METTL16: variants seen among roughly 807,000 people sequenced by gnomAD.
METTL16 encodes the protein RNA N(6)-adenosine-methyltransferase METTL16.
A neutral mutation model predicts 57.9 loss-of-function variants in METTL16; 19 were observed. The ratio of observed to expected loss-of-function variants is 0.33; its 90% CI spans 0.23 to 0.48. The LOEUF is 0.48. METTL16 is among the 20% of genes least tolerant of loss of function. The pLI is 0.99. For missense variants in METTL16, 434 were observed against 691.5 expected (o/e 0.63, Z 4.18); for synonymous variants, 246 against 255.6 (o/e 0.96, Z 0.36).
chr17:2,441,046 A>G (rs1042950251), intron 7 of METTL16, among the ~76,000 whole-genome samples: 1 of 151,994 alleles, frequency 6.6e-6, no homozygotes, highest in Non-Finnish European at 1.5e-5. Flanking sequence ...CTGGACTTGA[A>G]TAAACTTAAG....
intron 2 of METTL16, among the ~76,000 whole-genome samples, chr17:2,495,204 C>G (rs1425269498): frequency 6.6e-6 from 1 of 151,880 alleles, no homozygotes; most frequent in East Asian, 1.9e-4. Context: ...TGGCAGCACA[C>G]ACCCAGTCCC....
chr17:2,447,150 C>T (rs972360848), intron 6 of METTL16, among the ~76,000 whole-genome samples: 44 of 144,426 alleles, frequency 3.0e-4, no homozygotes, highest in African/African-American at 1.2e-3. Context: ...GCCTCTTCCC[C>T]GCCGCCTTCC....
chr17:2,499,067 A>C (rs75862295), intron 2 of METTL16, among the ~76,000 whole-genome samples: 2,112 of 151,498 alleles, frequency 0.014, 19 homozygotes, highest in Non-Finnish European at 0.024. Context: ...CTAAATCCCA[A>C]AGTCAGGGTA....
rs1329147131 is a variant in METTL16, at chr17:2,447,116, C to T, written c.729-5557G>A. On this transcript the variant is annotated intron_variant, in intron 6 of 9. Coordinates refer to ENST00000263092, the MANE Select transcript of METTL16 (RefSeq NM_024086.4). ...GTGAGGAGCGTCTCTGCCCGGCCGC[C>T]GTCCCATCTAGGAAGCGAGGAGCGC... Among the ~76,000 whole-genome samples, 2 of 142,776 alleles carry T rather than the reference C, an allele frequency of 1.4e-5. 1 individual carries two copies. Among genetic ancestry groups the T allele is most frequent in the Non-Finnish European group, 3.0e-5 (2 of 67,426 alleles). The allele number at this position is 142,776 out of a possible 152,430, so 93.7% of individuals were successfully genotyped here.
intron 6 of METTL16, among the ~76,000 whole-genome samples, chr17:2,454,563 AT>A (rs5818860): frequency 0.11 from 13,845 of 125,920 alleles, 544 homozygotes; most frequent in South Asian, 0.18. Flanking sequence ...TATTATTATT[AT>A]TTTTTTTTTT....
In METTL16 at chr17:2,424,699, A is replaced by G. The variant is rs576982037; in HGVS notation, c.889-3795T>C. Reference sequence around the variant, plus strand: ...CGCAGTGGCTCACGCCTGTAATCCCAGCATTTTGGGAGGCTGAGGTGGGTG... The same window carrying G: ...CGCAGTGGCTCACGCCTGTAATCCCGGCATTTTGGGAGGCTGAGGTGGGTG... On this transcript the variant is annotated intron_variant, in intron 8 of 9. Coordinates refer to ENST00000263092, the MANE Select transcript of METTL16 (RefSeq NM_024086.4). Among the ~76,000 whole-genome samples the G allele has an allele frequency of 8.5e-5, 13 of 152,250 alleles. No individual in the cohort carries two copies. In the South Asian group the frequency reaches 2.1e-3, roughly 24 times the overall value.
At chr17:2,463,524 T>TGC (rs879900306) in intron 6 of METTL16, among the ~76,000 whole-genome samples, 5 of 152,084 alleles carry the variant, frequency 3.3e-5, no homozygotes, top group Non-Finnish European at 5.9e-5. Flanking sequence ...CGCAGTGGCA[T>TGC]GATCTCGGCT....
At chr17:2,447,770 C>T (rs1420594561) in intron 6 of METTL16, among the ~76,000 whole-genome samples, 31 of 128,684 alleles carry the variant, frequency 2.4e-4, no homozygotes, top group African/African-American at 3.2e-5. Context: ...ATCAGCCCCC[C>T]GCCCGGCCAG....
In METTL16 at chr17:2,502,190, C is replaced by T. The variant is rs1161759641; in HGVS notation, c.128+14G>A. ...TCACACAAGAATAACAGTGATTTTT[C>T]ATCCGTTACCTACCTCACTCTTCCA... is the stretch of plus-strand genomic sequence containing the variant. On this transcript the variant is annotated intron_variant, in intron 2 of 9. Coordinates refer to ENST00000263092, the MANE Select transcript of METTL16 (RefSeq NM_024086.4). 1.2e-6 allele frequency: 2 copies of T among 1,610,410 alleles called. No individual in the cohort carries two copies. Among genetic ancestry groups the T allele is most frequent in the Non-Finnish European group, 1.7e-6 (2 of 1,178,532 alleles).
chr17:2,488,326 G>A (rs2067358645), intron 2 of METTL16, among the ~76,000 whole-genome samples: 1 of 152,224 alleles, frequency 6.6e-6, no homozygotes. Context: ...GGAGGCTGAG[G>A]TGGGCAGATC....
chr17:2,495,540 CA>C (rs780440211), intron 2 of METTL16, among the ~76,000 whole-genome samples: 115 of 150,766 alleles, frequency 7.6e-4, no homozygotes, highest in Non-Finnish European at 1.3e-3. Context: ...ACTAAAAATA[CA>C]AAAATTAGCC....
At chr17:2,426,899 C>T (rs1382809977) in intron 8 of METTL16, among the ~76,000 whole-genome samples, 1 of 151,316 alleles carries the variant, frequency 6.6e-6, no homozygotes. Flanking sequence ...CTTTTGGAGG[C>T]CAAGGCAGGC....
Position 2,472,881 on chromosome 17 carries a change from G to A in METTL16, c.469+643C>T, listed in dbSNP as rs375980760. On this transcript the variant is annotated intron_variant, in intron 4 of 9. Transcript: ENST00000263092. ...GACAGTTGAGGCACAGAAGACGGCA[G>A]GGCAGTGAAACGATTCTGTGTATAC... 2.3e-4 allele frequency among the ~76,000 whole-genome samples: 35 copies of A among 152,226 alleles called. 1 individual carries two copies. In the East Asian group the frequency reaches 5.0e-3, roughly 22 times the overall value.
intron 7 of METTL16, among the ~76,000 whole-genome samples, chr17:2,439,440 T>A (rs1046470584): frequency 1.3e-5 from 2 of 152,136 alleles, no homozygotes; most frequent in East Asian, 3.9e-4. Context: ...ACCTGCCTTC[T>A]GAAACAGGAG....
At chr17:2,497,469 C>T (rs531796967) in intron 2 of METTL16, among the ~76,000 whole-genome samples, 13 of 151,252 alleles carry the variant, frequency 8.6e-5, no homozygotes, top group African/African-American at 3.2e-4. Context: ...TATGCCACCA[C>T]GCCCGGCTCA....
intron 6 of METTL16, among the ~76,000 whole-genome samples, chr17:2,447,899 TG>T (rs1419905351): frequency 4.0e-3 from 45 of 11,328 alleles, no homozygotes; most frequent in East Asian, 9.3e-3. Context: ...GGGAGGGAGG[TG>T]GGGGGGGTCA....
intron 2 of METTL16, among the ~76,000 whole-genome samples, chr17:2,486,733 G>GGGGC (rs139118929): frequency 0.019 from 2,907 of 152,088 alleles, 95 homozygotes; most frequent in African/African-American, 0.066. Context: ...AGCACTTTGG[G>GGGGC]TGGCTGAGGT....
chr17:2,463,043 T>A (rs1032806360), intron 6 of METTL16, among the ~76,000 whole-genome samples: 1 of 152,114 alleles, frequency 6.6e-6, no homozygotes. Context: ...TAATGACAGG[T>A]GTGTTGTCCA....
In METTL16 at chr17:2,420,544, G is replaced by A; in HGVS notation, c.1115C>T (p.Thr372Met). 1 of 1,613,366 alleles carries A rather than the reference G, an allele frequency of 6.2e-7. No individual in the cohort carries two copies. The highest frequency in any genetic ancestry group is 8.5e-7 in the Non-Finnish European group (1 of 1,179,994). ...ATGAATCCAGGAGTTTTCTATGGCC[G>A]TTAGGAAAAGGCTGACTTCCTCTTT... Reference protein sequence around the residue: ...CGKEEVSLFLTAIENSWIHLR... With the variant: ...CGKEEVSLFLMAIENSWIHLR... The change falls in exon 10 of 10, where the codon ACG (threonine) becomes ATG (methionine). Residue 372 changes from threonine to methionine, a missense_variant. Coordinates refer to ENST00000263092, the MANE Select transcript of METTL16 (RefSeq NM_024086.4). This position sits in a 1 kb window ranked among gnomAD's most constrained non-coding sequence, Gnocchi z 5.4.
Sources: gnomAD v4.1 joint callset for allele counts (sites outside exome capture counted in the v4.1 genomes callset) on GRCh38, gnomAD v4.1.1 for gene constraint, Gnocchi (gnomAD v3.1) non-coding constraint, MANE v1.5 for transcripts, NCBI Gene and HGNC (gene_info 2026-07-23, HGNC 2026-07-21) for gene names.